The following CNTN3 variants were observed in gnomAD, a reference collection of about 807,000 sequenced individuals.
The protein encoded by CNTN3 is contactin 3, also known as contactin-3.
A neutral mutation model predicts 119.1 loss-of-function variants in CNTN3; 60 were observed. The observed-to-expected ratio is 0.50, with a 90% CI of 0.41 to 0.62. CNTN3 has a LOEUF of 0.62. Ranked by LOEUF, CNTN3 falls within the 20% of genes least tolerant of loss-of-function variation. CNTN3 has a pLI of 0.00. For synonymous variants in CNTN3, 450 were observed against 438.7 expected, an observed-to-expected ratio of 1.03 and a Z score of -0.32; for missense variants, 1,101 against 1,242.4, an observed-to-expected ratio of 0.89 and a Z score of 1.71.
At chr3:74,452,555 G>A (rs1702179518) in intron 4 of CNTN3, among the ~76,000 whole-genome samples, 2 of 135,342 alleles carry the variant, frequency 1.5e-5, no homozygotes, top group Non-Finnish European at 3.1e-5. Flanking sequence ...ACACTATGTT[G>A]AATAGGAGTG....
intron 13 of CNTN3, among the ~76,000 whole-genome samples, chr3:74,321,164 G>A (rs777782792): frequency 6.6e-6 from 1 of 152,094 alleles, no homozygotes; most frequent in South Asian, 2.1e-4. Flanking sequence ...AAGAATTGAA[G>A]ACTATTGGGT....
At chr3:74,290,282 A>C (rs1282109865) in intron 19 of CNTN3, among the ~76,000 whole-genome samples, 1 of 152,216 alleles carries the variant, frequency 6.6e-6, no homozygotes, top group African/African-American at 2.4e-5. Flanking sequence ...TACTGTACTG[A>C]ATACTGTAGG....
intron 13 of CNTN3, among the ~76,000 whole-genome samples, chr3:74,332,475 C>T (rs1291615927): frequency 6.6e-6 from 1 of 152,204 alleles, no homozygotes; most frequent in Non-Finnish European, 1.5e-5. Context: ...CTGACTTGTA[C>T]AGAGATGACT....
chr3:74,353,955 C>A (rs1368853188), intron 11 of CNTN3, among the ~76,000 whole-genome samples: 2 of 152,010 alleles, frequency 1.3e-5, no homozygotes, highest in South Asian at 2.1e-4. Flanking sequence ...CCTCTACACC[C>A]ACTCCCAGCC....
At chr3:74,296,068 T>C (rs1306887956) in intron 18 of CNTN3, among the ~76,000 whole-genome samples, 3 of 152,146 alleles carry the variant, frequency 2.0e-5, no homozygotes, top group Non-Finnish European at 2.9e-5. Context: ...TTTTCTGAGG[T>C]TCCAGGGCTT....
intron 4 of CNTN3, among the ~76,000 whole-genome samples, chr3:74,484,587 A>G (rs1702818752): frequency 6.6e-6 from 1 of 152,232 alleles, no homozygotes; most frequent in South Asian, 2.1e-4. Flanking sequence ...TTCTAAGCAA[A>G]GTAAATTAAA....
At chr3:74,520,075 T>C (rs1703517368) in intron 2 of CNTN3, among the ~76,000 whole-genome samples, 1 of 151,614 alleles carries the variant, frequency 6.6e-6, no homozygotes, top group African/African-American at 2.4e-5. Flanking sequence ...TTTCTTCTTT[T>C]AGAAAAGTCT....
intron 1 of CNTN3, among the ~76,000 whole-genome samples, chr3:74,556,495 A>G (rs1215903282): frequency 6.6e-6 from 1 of 152,198 alleles, no homozygotes; most frequent in Non-Finnish European, 1.5e-5. Context: ...TAGCTGAATA[A>G]TATTCCACTG....
At chr3:74,410,118 C>T (rs1480742988) in intron 5 of CNTN3, among the ~76,000 whole-genome samples, 3 of 152,270 alleles carry the variant, frequency 2.0e-5, no homozygotes, top group Admixed American at 1.3e-4. Context: ...GTGGATGTTA[C>T]AATTCTCTTT....
chr3:74,512,388 C>G (rs1703381914), intron 2 of CNTN3, among the ~76,000 whole-genome samples: 1 of 151,994 alleles, frequency 6.6e-6, no homozygotes, highest in Non-Finnish European at 1.5e-5. Flanking sequence ...TCCTATTAAT[C>G]TGTGGAAGGT....
chr3:74,463,606 G>T (rs2106980438), intron 4 of CNTN3, among the ~76,000 whole-genome samples: 1 of 152,270 alleles, frequency 6.6e-6, no homozygotes, highest in Non-Finnish European at 1.5e-5. Flanking sequence ...TCACAGCAGG[G>T]ACAAGACTAT....
At chr3:74,304,830 A>G (rs1318492768) in intron 13 of CNTN3, among the ~76,000 whole-genome samples, 1 of 152,042 alleles carries the variant, frequency 6.6e-6, no homozygotes, top group Admixed American at 6.6e-5. Context: ...ATTGGAAATG[A>G]TTTTTTTTCA....
intron 2 of CNTN3, among the ~76,000 whole-genome samples, 194 bp downstream of exon 2, chr3:74,520,864 T>A (rs1046381984): frequency 6.6e-6 from 1 of 151,640 alleles, no homozygotes; most frequent in Admixed American, 6.6e-5. Context: ...GAAATAAAAA[T>A]GGCTTACAAA....
chr3:74,424,392 AATAT>A (rs1232155160), intron 5 of CNTN3, among the ~76,000 whole-genome samples: 45 of 89,210 alleles, frequency 5.0e-4, no homozygotes, highest in Admixed American at 8.3e-4. Flanking sequence ...TATGTGTATA[AATAT>A]ATATATATAT....
At chr3:74,598,462 A>G (rs1200905033) in intron 1 of CNTN3, among the ~76,000 whole-genome samples, 1 of 152,114 alleles carries the variant, frequency 6.6e-6, no homozygotes, top group Non-Finnish European at 1.5e-5. Context: ...TGTAGGTAAT[A>G]AAGTAAATTT....
At chr3:74,476,079 G>T (rs1219140269) in intron 4 of CNTN3, among the ~76,000 whole-genome samples, 1 of 152,118 alleles carries the variant, frequency 6.6e-6, no homozygotes, top group African/African-American at 2.4e-5. Context: ...GAAAATATAG[G>T]TGTTAGCTAA....
chr3:74,286,139 C>T (rs1189470615), intron 19 of CNTN3, among the ~76,000 whole-genome samples: 2 of 151,792 alleles, frequency 1.3e-5, no homozygotes, highest in Non-Finnish European at 2.9e-5. Context: ...CTGAAGGAAC[C>T]AAATTTGGAA....
intron 1 of CNTN3, among the ~76,000 whole-genome samples, chr3:74,611,393 T>C (rs1400950940): frequency 6.6e-6 from 1 of 152,186 alleles, no homozygotes; most frequent in Non-Finnish European, 1.5e-5. Flanking sequence ...GTACTATGGA[T>C]TGAAACTTGG....
intron 5 of CNTN3, among the ~76,000 whole-genome samples, chr3:74,391,463 A>G (rs1049630734): frequency 2.6e-5 from 4 of 152,114 alleles, no homozygotes; most frequent in Non-Finnish European, 5.9e-5. Flanking sequence ...AGAAGATAAA[A>G]TAACTTAATA....
Sources: gnomAD v4.1 joint callset for allele counts (sites outside exome capture counted in the v4.1 genomes callset) on GRCh38, gnomAD v4.1.1 for gene constraint, MANE v1.5 for transcripts, NCBI Gene and HGNC (gene_info 2026-07-23, HGNC 2026-07-21) for gene names.